The following LOXHD1 variants were observed in gnomAD, a reference collection of about 807,000 sequenced individuals.
LOXHD1 encodes lipoxygenase homology PLAT domains 1.
In LOXHD1, 205 loss-of-function variants were observed where a neutral mutation model predicts 248.2. The ratio of observed to expected loss-of-function variants is 0.83; its 90% CI spans 0.74 to 0.93. LOXHD1 has a LOEUF of 0.93. Ranked by LOEUF, LOXHD1 falls within the 40% of genes least tolerant of loss-of-function variation. LOXHD1 has a pLI of 0.00. For synonymous variants in LOXHD1, 1,113 were observed against 1,162.8 expected (o/e 0.96, Z 0.87); for missense variants, 2,930 against 2,971.6 (o/e 0.99, Z 0.33).
At chr18:46,564,425 A>C in intron 17 of LOXHD1, among the ~76,000 whole-genome samples, 1 of 152,126 alleles carries the variant, frequency 6.6e-6, no homozygotes, top group East Asian at 1.9e-4. Context: ...CCAGCTACTC[A>C]AGAGGCTGAG....
chr18:46,575,802 G>A (rs1346705493), intron 14 of LOXHD1, among the ~76,000 whole-genome samples: 3 of 152,074 alleles, frequency 2.0e-5, no homozygotes, highest in African/African-American at 7.2e-5. Context: ...AACACATGCC[G>A]TCATCAACTC....
intron 15 of LOXHD1, 103 bp from the exon 16 acceptor site, chr18:46,569,741 G>A (rs1258550803): frequency 8.2e-6 from 7 of 855,362 alleles, no homozygotes; most frequent in Non-Finnish European, 1.1e-5. Flanking sequence ...GGAGGTTTGT[G>A]GGGAACACAC....
intron 34 of LOXHD1, among the ~76,000 whole-genome samples, chr18:46,512,224 T>C (rs377263249): frequency 1.3e-5 from 2 of 152,290 alleles, no homozygotes; most frequent in Non-Finnish European, 1.5e-5. Context: ...CATTTTAAAC[T>C]GAAGACTGGC....
chr18:46,592,113 T>C (rs760789151), intron 11 of LOXHD1, 45 bp from the exon 12 acceptor site: 1 of 1,551,546 alleles, frequency 6.4e-7, no homozygotes, highest in South Asian at 1.2e-5. Context: ...ACCAGGGATG[T>C]TCACCGATGC....
rs1237074813 is a variant in LOXHD1 at position 46,518,184 on chromosome 18, G to A, written c.5344C>T (p.Leu1782Phe). The A allele has an allele frequency of 6.4e-7, 1 of 1,551,542 alleles. No individual in the cohort carries two copies. The highest frequency in any genetic ancestry group is 8.7e-7 in the Non-Finnish European group (1 of 1,147,002). Residue 1782 changes from leucine (L) to phenylalanine (F), a missense_variant, in exon 34 of 41, where the codon CTC becomes TTC. Physicochemically the swap from Leu to Phe is conservative, Grantham distance 22. Transcript: ENST00000642948. ...TCTGTGCTCCCGTTGATGCCGTAGA[G>A]GGTCATGAAGATGTTGGAGTCAGTG... Reference protein sequence around the residue: ...GGTDSNIFMTLYGINGSTEEM... With the variant: ...GGTDSNIFMTFYGINGSTEEM...
intron 12 of LOXHD1, 50 bp from the exon 13 acceptor site, chr18:46,579,834 T>C (rs950072688): frequency 1.8e-5 from 27 of 1,520,758 alleles, no homozygotes; most frequent in African/African-American, 2.8e-5. Context: ...CTGCTTCCCA[T>C]CCCTAGCCCT....
intron 2 of LOXHD1, among the ~76,000 whole-genome samples, chr18:46,642,282 G>A (rs1314641825): frequency 1.3e-5 from 2 of 152,226 alleles, no homozygotes; most frequent in Non-Finnish European, 2.9e-5. Context: ...ACTAAAACAA[G>A]CACACAGACA....
intron 9 of LOXHD1, among the ~76,000 whole-genome samples, 177 bp from the exon 10 acceptor site, chr18:46,593,937 A>G (rs2038217645): frequency 6.6e-6 from 1 of 152,244 alleles, no homozygotes; most frequent in Non-Finnish European, 1.5e-5. Flanking sequence ...ATTCCTTACT[A>G]TTAAAAATAA....
rs138145077 is a variant in LOXHD1, at chr18:46,632,191, G to A, written c.511+7425C>T. Among the ~76,000 whole-genome samples, 455 of 152,304 alleles carry A rather than the reference G, an allele frequency of 3.0e-3. 4 individuals are homozygous for A. The highest frequency in any genetic ancestry group is 0.01 in the African/African-American group (421 of 41,572). On this transcript the variant is annotated intron_variant, in intron 4 of 40. Coordinates refer to ENST00000642948, the MANE Select transcript of LOXHD1 (RefSeq NM_001384474.1). Reference sequence around the variant, plus strand: ...AAAATGTATGCACACAAAGACACAAGGCTACGGAAGTATTTTGTCTCAAAG... The same window carrying A: ...AAAATGTATGCACACAAAGACACAAAGCTACGGAAGTATTTTGTCTCAAAG...
In LOXHD1 at chr18:46,594,281, C is replaced by T. The variant is rs8098479; in HGVS notation, c.1270+50G>A. 6.5e-6 allele frequency: 10 copies of T among 1,549,316 alleles called. No individual in the cohort carries two copies. The African/African-American group carries it at 1.4e-4, about 21-fold the overall frequency. On this transcript the variant is annotated intron_variant, in intron 9 of 40. Transcript: ENST00000642948. The stretch of plus-strand genomic sequence containing the variant: ...GCCTAGTGGTCTGACATTCTGGCCT[C>T]TGCTGACCCTGGCTGAGAGGCCTCC...
intron 29 of LOXHD1, among the ~76,000 whole-genome samples, chr18:46,525,961 G>A (rs1250440574): frequency 6.6e-6 from 1 of 152,208 alleles, no homozygotes; most frequent in Non-Finnish European, 1.5e-5. Context: ...ACGTCTCCAG[G>A]TGTCAGCATT....
intron 15 of LOXHD1, among the ~76,000 whole-genome samples, chr18:46,571,398 A>C (rs970407680): frequency 1.3e-5 from 2 of 152,196 alleles, no homozygotes; most frequent in East Asian, 1.9e-4. Flanking sequence ...TGAGCCTAGG[A>C]GGCTGAGGCT....
chr18:46,498,171 A>T (rs1203525844), intron 37 of LOXHD1, among the ~76,000 whole-genome samples: 2 of 152,194 alleles, frequency 1.3e-5, no homozygotes, highest in Admixed American at 6.5e-5. Context: ...CTTGACACCA[A>T]CTTTAGTGTT....
chr18:46,650,977 A>G (rs1878058), intron 1 of LOXHD1, among the ~76,000 whole-genome samples: 29,413 of 152,242 alleles, frequency 0.19, 3,076 homozygotes, highest in East Asian at 0.38. Context: ...ATGATGTATG[A>G]AAAGCCTCTG....
In LOXHD1 at chr18:46,569,714, G is replaced by A. The variant is rs1229862844; in HGVS notation, c.2048-76C>T. 1.1e-5 allele frequency: 13 copies of A among 1,208,594 alleles called. No homozygotes were observed. The African/African-American group carries it at 2.0e-4, about 18-fold the overall frequency. 74.9% of individuals were successfully genotyped at this position (1,208,594 alleles called of 1,614,324 possible). On this transcript the variant is annotated intron_variant, in intron 15 of 40. Coordinates refer to ENST00000642948, the MANE Select transcript of LOXHD1 (RefSeq NM_001384474.1). ...GACAGGAAGCAGGGTGCGTGTATAG[G>A]AGGGCAGCCTGGAGCTGGAGGTTTG...
At chr18:46,534,855 C>A (rs1322082012) in intron 26 of LOXHD1, among the ~76,000 whole-genome samples, 2 of 152,212 alleles carry the variant, frequency 1.3e-5, no homozygotes, top group Admixed American at 6.5e-5. Flanking sequence ...AGGCCCCAGG[C>A]CCCTAAGAGT....
chr18:46,508,535 C>A (rs2034734181), intron 35 of LOXHD1, among the ~76,000 whole-genome samples: 1 of 152,176 alleles, frequency 6.6e-6, no homozygotes, highest in South Asian at 2.1e-4. Context: ...CCTGCCGACA[C>A]CTTCACCTTG....
chr18:46,562,306 T>C (rs9949466), intron 18 of LOXHD1, among the ~76,000 whole-genome samples: 14,419 of 152,242 alleles, frequency 0.095, 802 homozygotes, highest in Middle Eastern at 0.14. Flanking sequence ...AAGGCTAAGG[T>C]GCTCCTGGCA....
At chr18:46,596,234 A>G (rs1419925311) in intron 8 of LOXHD1, among the ~76,000 whole-genome samples, 4 of 152,180 alleles carry the variant, frequency 2.6e-5, no homozygotes, top group African/African-American at 7.2e-5. Flanking sequence ...AGAACTAGGT[A>G]GCCTGAAAAG....
Sources: allele counts gnomAD v4.1 joint callset (sites outside exome capture counted in the v4.1 genomes callset), GRCh38; gene constraint gnomAD v4.1.1; transcripts MANE v1.5; gene names NCBI Gene and HGNC (gene_info 2026-07-23, HGNC 2026-07-21).